The following SNX24 variants were observed in gnomAD, a reference collection of about 807,000 sequenced individuals.
SNX24 encodes the protein sorting nexin-24.
A neutral mutation model predicts 28.7 loss-of-function variants in SNX24; 22 were observed. The observed-to-expected ratio is 0.77, with a 90% CI of 0.55 to 1.10. The LOEUF (loss-of-function observed/expected upper bound fraction) is 1.10. Ranked by LOEUF, SNX24 falls within the 50% of genes least tolerant of loss-of-function variation. SNX24 has a pLI of 0.00. For missense variants in SNX24, 221 were observed against 201.1 expected, an observed-to-expected ratio of 1.10 and a Z score of -0.60; for synonymous variants, 69 against 71.5, an observed-to-expected ratio of 0.96 and a Z score of 0.18.
chr5:122,970,935 TA>T (rs2150147297), intron 3 of SNX24, among the ~76,000 whole-genome samples: 1 of 152,326 alleles, frequency 6.6e-6, no homozygotes, highest in African/African-American at 2.4e-5. Context: ...TAGGGTTCTC[TA>T]GAGGGACAGA....
chr5:123,006,342 C>G (rs1762420109), intron 6 of SNX24, among the ~76,000 whole-genome samples: 1 of 152,182 alleles, frequency 6.6e-6, no homozygotes, highest in South Asian at 2.1e-4. Flanking sequence ...TTCACCCCTT[C>G]CCTCACTAGC....
chr5:122,946,712 C>T (rs1759704953), intron 3 of SNX24, among the ~76,000 whole-genome samples: 1 of 152,216 alleles, frequency 6.6e-6, no homozygotes, highest in Admixed American at 6.5e-5. Flanking sequence ...GCAAGCAGAG[C>T]TGCCTAAGTG....
chr5:122,930,727 T>A (rs1246413093), intron 1 of SNX24, among the ~76,000 whole-genome samples: 1 of 152,222 alleles, frequency 6.6e-6, no homozygotes, highest in Non-Finnish European at 1.5e-5. Context: ...TTCTCTTTCA[T>A]CCATGATCTT....
At chr5:122,882,219 G>C (rs1331795968) in intron 1 of SNX24, among the ~76,000 whole-genome samples, 1 of 152,030 alleles carries the variant, frequency 6.6e-6, no homozygotes, top group African/African-American at 2.4e-5. Context: ...CCAAAATGCT[G>C]GTATTATAGG....
intron 1 of SNX24, among the ~76,000 whole-genome samples, chr5:122,859,228 G>A (rs114402000): frequency 0.028 from 4,257 of 152,186 alleles, 77 homozygotes; most frequent in Middle Eastern, 0.055. Flanking sequence ...CTTCAGTCTC[G>A]GGTACTCAGG....
At chr5:122,998,678 A>C (rs1469817571) in intron 3 of SNX24, among the ~76,000 whole-genome samples, 35 of 152,190 alleles carry the variant, frequency 2.3e-4, no homozygotes, top group Admixed American at 2.3e-3. Context: ...CAACCTGTAT[A>C]GTTACCCACT....
intron 1 of SNX24, among the ~76,000 whole-genome samples, chr5:122,882,927 G>A (rs1432095438): frequency 6.6e-6 from 1 of 152,106 alleles, no homozygotes; most frequent in African/African-American, 2.4e-5. Flanking sequence ...AAAAATGGGA[G>A]TAGGAGAGGA....
chr5:122,988,559 G>A (rs1165336066), intron 3 of SNX24, among the ~76,000 whole-genome samples: 7 of 152,154 alleles, frequency 4.6e-5, no homozygotes, highest in Non-Finnish European at 1.0e-4. Flanking sequence ...AAGTAGAATT[G>A]TATTTTTTTT....
intron 1 of SNX24, among the ~76,000 whole-genome samples, chr5:122,868,396 T>A (rs1017068586): frequency 7.9e-5 from 12 of 152,194 alleles, no homozygotes; most frequent in African/African-American, 2.9e-4. Flanking sequence ...CAGTCACTAC[T>A]AAGACCCAGT....
chr5:122,855,246 AT>A (rs1047085192), intron 1 of SNX24, among the ~76,000 whole-genome samples: 99 of 152,028 alleles, frequency 6.5e-4, no homozygotes, highest in African/African-American at 2.3e-3. Flanking sequence ...TAATTTTTGT[AT>A]TTTTAGTAGA....
chr5:123,018,978 C>T (rs1038964800), intron 5 of SNX24, among the ~76,000 whole-genome samples: 4 of 152,066 alleles, frequency 2.6e-5, no homozygotes, highest in African/African-American at 9.7e-5. Context: ...AGCCACCGCG[C>T]CTGGCCTAGG....
At chr5:122,916,978 T>A (rs1436224497) in intron 1 of SNX24, among the ~76,000 whole-genome samples, 1 of 152,140 alleles carries the variant, frequency 6.6e-6, no homozygotes, top group Non-Finnish European at 1.5e-5. Context: ...TGAAAATACT[T>A]AAAGACTGGG....
At chr5:122,860,623 T>C (rs1755415593) in intron 1 of SNX24, among the ~76,000 whole-genome samples, 1 of 152,214 alleles carries the variant, frequency 6.6e-6, no homozygotes, top group Admixed American at 6.5e-5. Context: ...TGAGACACAG[T>C]CTCGCTCTGT....
At chr5:122,849,684 T>C (rs1754806959) in intron 1 of SNX24, among the ~76,000 whole-genome samples, 1 of 152,152 alleles carries the variant, frequency 6.6e-6, no homozygotes, top group Admixed American at 6.5e-5. Context: ...CAAATGTTAC[T>C]TCCTGGGGAG....
chr5:122,888,120 C>T (rs188774410), intron 1 of SNX24, among the ~76,000 whole-genome samples: 22 of 152,168 alleles, frequency 1.4e-4, no homozygotes, highest in African/African-American at 5.3e-4. Flanking sequence ...TTTCCTTATC[C>T]TTTTGAGCAG....
intron 1 of SNX24, among the ~76,000 whole-genome samples, chr5:122,865,147 G>C (rs1418766272): frequency 6.6e-6 from 1 of 152,222 alleles, no homozygotes; most frequent in Non-Finnish European, 1.5e-5. Context: ...CAGGTGCTTA[G>C]TTTGAAATGT....
At chr5:123,015,286 CTG>C (rs1361528248) in intron 5 of SNX24, among the ~76,000 whole-genome samples, 2 of 152,158 alleles carry the variant, frequency 1.3e-5, no homozygotes, top group East Asian at 3.8e-4. Context: ...GGTTTCAGAA[CTG>C]TGTTTTGAGT....
At chr5:122,891,236 C>A in intron 1 of SNX24, 2 of 1,060,874 alleles carry the variant, frequency 1.9e-6, no homozygotes, top group East Asian at 3.0e-5. Context: ...CTTTAAAGTG[C>A]CTATTTATTC....
rs1289006688 is a variant in SNX24, at chr5:122,941,254, C to CA, written c.144+4438dup. 2.0e-5 allele frequency among the ~76,000 whole-genome samples: 3 copies of CA among 152,162 alleles called. No individual in the cohort carries two copies. In the East Asian group the frequency reaches 5.8e-4, roughly 29 times the overall value. ...TTTCCCATGTAAGCGAATACATTCA[C>CA]AGATTCTGGGGATTAGGACTTGGGC... On this transcript the variant is annotated intron_variant, in intron 2 of 6. Coordinates refer to ENST00000261369, the MANE Select transcript of SNX24 (RefSeq NM_014035.4).
Sources: gnomAD v4.1 joint callset for allele counts (sites outside exome capture counted in the v4.1 genomes callset) on GRCh38, gnomAD v4.1.1 for gene constraint, MANE v1.5 for transcripts, NCBI Gene and HGNC (gene_info 2026-07-23, HGNC 2026-07-21) for gene names.